The following NRP1 variants were observed in gnomAD, a reference collection of about 807,000 sequenced individuals.
NRP1 encodes neuropilin 1, also known as neuropilin-1.
Under a neutral mutation model 106.7 loss-of-function variants are expected in NRP1, and 35 were observed. The observed-to-expected ratio is 0.33, with a 90% CI of 0.25 to 0.43. NRP1 has a LOEUF of 0.43. Among genes scored for constraint, NRP1 ranks in the 20% least tolerant of loss-of-function variants. The pLI, the probability that NRP1 is intolerant of heterozygous loss-of-function variation, is 1.00. For synonymous variants in NRP1, 437 were observed against 417.9 expected (o/e 1.05, Z -0.56); for missense variants, 1,024 against 1,170.4 (o/e 0.87, Z 1.83).
At chr10:33,285,605 G>A (rs1237407359) in intron 2 of NRP1, among the ~76,000 whole-genome samples, 5 of 152,116 alleles carry the variant, frequency 3.3e-5, no homozygotes, top group Non-Finnish European at 5.9e-5. Flanking sequence ...TGAGGTGAGA[G>A]GATCACCTGA....
intron 1 of NRP1, among the ~76,000 whole-genome samples, chr10:33,333,341 A>T (rs1848417763): frequency 6.6e-6 from 1 of 152,182 alleles, no homozygotes; most frequent in Admixed American, 6.5e-5. Flanking sequence ...AGCATATTAG[A>T]GAGATTAACT....
intron 6 of NRP1, among the ~76,000 whole-genome samples, chr10:33,239,485 C>T (rs927748465): frequency 6.6e-6 from 1 of 152,210 alleles, no homozygotes; most frequent in Admixed American, 6.5e-5. Context: ...GTTTGAGCAA[C>T]TGACTTATAC....
At chr10:33,266,066 T>C (rs1032293997) in intron 3 of NRP1, among the ~76,000 whole-genome samples, 7 of 152,100 alleles carry the variant, frequency 4.6e-5, no homozygotes, top group East Asian at 1.9e-4. Flanking sequence ...TTGTAAGCCA[T>C]GGTTTATTAG....
Position 33,179,400 on chromosome 10 carries a change from G to C in NRP1, c.*676C>G, listed in dbSNP as rs1024100155. 4 of 152,764 alleles carry C rather than the reference G, an allele frequency of 2.6e-5. No individual in the cohort carries two copies. Among genetic ancestry groups the C allele is most frequent in the Non-Finnish European group, 5.9e-5 (4 of 68,156 alleles). The allele number at this position is 152,764 out of a possible 1,614,324, so 9.5% of individuals were successfully genotyped here. On this transcript the variant is annotated 3_prime_UTR_variant, in exon 17 of 17. Transcript: ENST00000374867. ...GTTGCGGTTGTCAGCAGTATACCCA[G>C]TGGCCAGCCGTGTTCAGGGATGGCA...
chr10:33,332,607 C>G (rs1848362483), intron 1 of NRP1, among the ~76,000 whole-genome samples: 1 of 152,126 alleles, frequency 6.6e-6, no homozygotes, highest in Non-Finnish European at 1.5e-5. Context: ...TGCTAGACTC[C>G]CTGGCTCTGT....
intron 4 of NRP1, among the ~76,000 whole-genome samples, chr10:33,261,692 A>G (rs752347171): frequency 6.6e-6 from 1 of 152,184 alleles, no homozygotes; most frequent in Non-Finnish European, 1.5e-5. Flanking sequence ...GAATCACACT[A>G]ATAATAATGT....
chr10:33,252,873 A>G (rs1295338307), intron 6 of NRP1, among the ~76,000 whole-genome samples: 1 of 152,200 alleles, frequency 6.6e-6, no homozygotes, highest in African/African-American at 2.4e-5. Flanking sequence ...GTAATAGGCC[A>G]TTTCACTTTA....
At chr10:33,288,099 C>T (rs866813694) in intron 2 of NRP1, among the ~76,000 whole-genome samples, 1 of 152,022 alleles carries the variant, frequency 6.6e-6, no homozygotes, top group South Asian at 2.1e-4. Context: ...AATATATATC[C>T]TAGTAGATAA....
chr10:33,280,001 C>G (rs1288815035), intron 2 of NRP1, among the ~76,000 whole-genome samples: 2 of 152,142 alleles, frequency 1.3e-5, no homozygotes, highest in Non-Finnish European at 2.9e-5. Flanking sequence ...TGAAGCAAAA[C>G]CAGAAGCTCC....
intron 2 of NRP1, among the ~76,000 whole-genome samples, chr10:33,279,806 T>C (rs987379174): frequency 3.3e-5 from 5 of 152,154 alleles, no homozygotes; most frequent in African/African-American, 1.2e-4. Context: ...CTCCATCTTC[T>C]GATACAGCAA....
Position 33,226,253 on chromosome 10 carries a change from C to T in NRP1, c.1018G>A (p.Gly340Arg), listed in dbSNP as rs553769055. Residue 340 changes from glycine to arginine, a missense_variant, in exon 7 of 17, where the codon GGG becomes AGG. Gly to Arg is a moderately radical substitution (Grantham distance 125). Coordinates refer to ENST00000374867, the MANE Select transcript of NRP1 (RefSeq NM_003873.7). ...TCTTTTGAAATGGCGCCCTGTGTCC[C>T]GACAGCCGTGACAAAGCGCAGAAGG... ...LGLLRFVTAV[G>R]TQGAISKETK... The T allele has an allele frequency of 8.1e-6, 13 of 1,614,068 alleles. No homozygotes were observed. The East Asian group carries it at 1.8e-4, about 22-fold the overall frequency.
At chr10:33,249,535 T>C in intron 6 of NRP1, 1 of 527,726 alleles carries the variant, frequency 1.9e-6, no homozygotes, top group Non-Finnish European at 3.9e-6. Flanking sequence ...ATACACGGAG[T>C]CTGTATTTTG....
At chr10:33,263,142 G>A (rs574997155) in intron 4 of NRP1, among the ~76,000 whole-genome samples, 6 of 152,296 alleles carry the variant, frequency 3.9e-5, no homozygotes, top group South Asian at 2.1e-4. Context: ...AAACATTCTC[G>A]TTCCTTTTCC....
intron 2 of NRP1, among the ~76,000 whole-genome samples, chr10:33,276,876 A>G (rs1189860917): frequency 6.6e-6 from 1 of 152,164 alleles, no homozygotes; most frequent in East Asian, 1.9e-4. Flanking sequence ...GATCAAAGAC[A>G]TATGTCCCAT....
chr10:33,190,034 A>T (rs559799485), intron 13 of NRP1, among the ~76,000 whole-genome samples: 14 of 152,302 alleles, frequency 9.2e-5, no homozygotes, highest in African/African-American at 3.1e-4. Flanking sequence ...AAAGAGTCAA[A>T]CCCTTCTGAA....
intron 5 of NRP1, among the ~76,000 whole-genome samples, chr10:33,254,844 AATGCTCACAACAGTG>A (rs1190504848): frequency 6.6e-6 from 1 of 152,236 alleles, no homozygotes; most frequent in Non-Finnish European, 1.5e-5. Flanking sequence ...ATAAAATCAT[AATGCTCACAACAGTG>A]AGCATAAGAA....
rs761687731 is a variant in NRP1 at position 33,330,811 on chromosome 10, G to A, written c.145C>T (p.His49Tyr). The stretch of plus-strand genomic sequence containing the variant: ...AGCCATTCGCATTTTTCACTTGGGT[G>A]ATAAGAATGAGGATAACCAGGAGAT... ...LTSPGYPHSY[H>Y]PSEKCEWLIQ... Residue 49 changes from histidine (H) to tyrosine (Y), a missense_variant, in exon 2 of 17, where the codon CAC becomes TAC. Transcript: ENST00000374867. The A allele has an allele frequency of 3.7e-6, 6 of 1,613,754 alleles. No homozygotes were observed. In the East Asian group the frequency reaches 6.7e-5, roughly 18 times the overall value.
chr10:33,277,229 G>A (rs1198052490), intron 2 of NRP1, among the ~76,000 whole-genome samples: 1 of 152,208 alleles, frequency 6.6e-6, no homozygotes, highest in Non-Finnish European at 1.5e-5. Context: ...GTGAGTGTAT[G>A]TGACAGAGAG....
chr10:33,277,879 T>C (rs1390057212), intron 2 of NRP1, among the ~76,000 whole-genome samples: 1 of 152,224 alleles, frequency 6.6e-6, no homozygotes, highest in Non-Finnish European at 1.5e-5. Flanking sequence ...CATTCATTCA[T>C]TCATTTATGT....
Sources: gnomAD v4.1 joint callset for allele counts (sites outside exome capture counted in the v4.1 genomes callset) on GRCh38, gnomAD v4.1.1 for gene constraint, MANE v1.5 for transcripts, NCBI Gene and HGNC (gene_info 2026-07-23, HGNC 2026-07-21) for gene names.